The following CACNB4 variants were observed in gnomAD, a reference collection of about 807,000 sequenced individuals.
The protein encoded by CACNB4 is voltage-dependent L-type calcium channel subunit beta-4.
In CACNB4, 32 loss-of-function variants were observed where a neutral mutation model predicts 71.2. The observed-to-expected ratio is 0.45, with a 90% CI of 0.34 to 0.60. The LOEUF (loss-of-function observed/expected upper bound fraction) is 0.60, where lower values mean the gene tolerates loss of function less well. CACNB4 is among the 20% of genes least tolerant of loss of function. CACNB4 has a pLI of 0.01. For missense variants in CACNB4, 464 were observed against 647.9 expected, an observed-to-expected ratio of 0.72 and a Z score of 3.08; for synonymous variants, 231 against 236.9, an observed-to-expected ratio of 0.97 and a Z score of 0.23.
intron 2 of CACNB4, among the ~76,000 whole-genome samples, chr2:152,007,528 G>C (rs1181957795): frequency 6.6e-6 from 1 of 152,220 alleles, no homozygotes; most frequent in Admixed American, 6.5e-5. Context: ...GTTCACCTAT[G>C]TTGCAGCACG....
intron 2 of CACNB4, among the ~76,000 whole-genome samples, chr2:152,017,576 C>T (rs910235065): frequency 2.6e-5 from 4 of 151,806 alleles, no homozygotes; most frequent in Admixed American, 6.6e-5. Flanking sequence ...GGCATGGTGG[C>T]GGGTGCCTGT....
chr2:152,011,885 T>C (rs1257272110), intron 2 of CACNB4, among the ~76,000 whole-genome samples: 1 of 152,222 alleles, frequency 6.6e-6, no homozygotes, highest in Non-Finnish European at 1.5e-5. Context: ...AGTGACTCTG[T>C]AGCTGTCCTA....
intron 2 of CACNB4, among the ~76,000 whole-genome samples, chr2:152,063,033 C>T (rs1166707525): frequency 6.6e-6 from 1 of 152,158 alleles, no homozygotes. Context: ...AGAGACAATT[C>T]CCTCAGCTGC....
At chr2:151,864,181 A>G (rs978147669) in intron 9 of CACNB4, among the ~76,000 whole-genome samples, 1 of 152,200 alleles carries the variant, frequency 6.6e-6, no homozygotes, top group African/African-American at 2.4e-5. Context: ...ATCTCTAAAA[A>G]GTTCCCTTGG....
intron 2 of CACNB4, among the ~76,000 whole-genome samples, chr2:151,983,737 T>A (rs962297252): frequency 3.3e-5 from 5 of 151,300 alleles, no homozygotes; most frequent in African/African-American, 1.2e-4. Context: ...TATTTAGTAA[T>A]GCATTTTTCT....
chr2:151,903,379 T>C (rs929677089), intron 2 of CACNB4, among the ~76,000 whole-genome samples: 1 of 151,552 alleles, frequency 6.6e-6, no homozygotes, highest in Non-Finnish European at 1.5e-5. Context: ...ATTAGCCGGA[T>C]GTGGTGGTGC....
intron 2 of CACNB4, among the ~76,000 whole-genome samples, chr2:151,938,404 C>T (rs927885752): frequency 6.6e-6 from 1 of 152,160 alleles, no homozygotes; most frequent in African/African-American, 2.4e-5. Context: ...TTATATGACA[C>T]CCTCCCCAAT....
chr2:151,912,853 T>C (rs2099856552), intron 2 of CACNB4, among the ~76,000 whole-genome samples: 1 of 151,930 alleles, frequency 6.6e-6, no homozygotes, highest in Non-Finnish European at 1.5e-5. Flanking sequence ...TGGGTGCTCC[T>C]GTACTGGGTG....
At position 152,002,633 on chromosome 2, in the gene CACNB4, T is replaced by C. The variant is rs76367882; in HGVS notation, c.147+95697A>G. Reference sequence around the variant, plus strand: ...CTCTCTGAGACTTGGTTCTATCATCTATCAAATATATTTAACAATGTGTAC... The same window carrying C: ...CTCTCTGAGACTTGGTTCTATCATCCATCAAATATATTTAACAATGTGTAC... On this transcript the variant is annotated intron_variant, in intron 2 of 13. Coordinates refer to ENST00000539935, the MANE Select transcript of CACNB4 (RefSeq NM_000726.5). Among the ~76,000 whole-genome samples, 17 of 152,372 alleles carry C rather than the reference T, an allele frequency of 1.1e-4. No individual in the cohort carries two copies. In the East Asian group the frequency reaches 3.3e-3, roughly 29 times the overall value.
intron 2 of CACNB4, among the ~76,000 whole-genome samples, chr2:152,072,807 AT>A (rs780232798): frequency 3.7e-3 from 510 of 138,366 alleles, no homozygotes; most frequent in Non-Finnish European, 3.4e-3. Context: ...GGCCCAGCTG[AT>A]TTTTTTTTTT....
intron 2 of CACNB4, among the ~76,000 whole-genome samples, chr2:151,934,439 C>T (rs1239957728): frequency 6.6e-6 from 1 of 152,212 alleles, no homozygotes; most frequent in Admixed American, 6.5e-5. Flanking sequence ...AGGTGCTTAA[C>T]AGCATTGTCT....
At chr2:151,970,795 T>A (rs565220953) in intron 2 of CACNB4, 2 of 152,262 alleles carry the variant, frequency 1.3e-5, no homozygotes, top group South Asian at 4.1e-4. Flanking sequence ...TAAGGTGACG[T>A]TCTGTGTGAA....
intron 2 of CACNB4, among the ~76,000 whole-genome samples, chr2:151,911,752 T>C (rs2151537783): frequency 6.6e-6 from 1 of 152,356 alleles, no homozygotes; most frequent in African/African-American, 2.4e-5. Context: ...GAAGAAATGG[T>C]ACCAGCTCCT....
At chr2:152,012,399 T>G (rs1579125507) in intron 2 of CACNB4, among the ~76,000 whole-genome samples, 1 of 151,840 alleles carries the variant, frequency 6.6e-6, no homozygotes, top group Non-Finnish European at 1.5e-5. Context: ...AAGTCAGGAG[T>G]TCCAGACCAG....
chr2:151,896,409 G>A (rs1178327098), intron 2 of CACNB4, among the ~76,000 whole-genome samples: 1 of 152,212 alleles, frequency 6.6e-6, no homozygotes, highest in Non-Finnish European at 1.5e-5. Flanking sequence ...AACACCCAGG[G>A]CTCTAGGTAA....
intron 13 of CACNB4, among the ~76,000 whole-genome samples, chr2:151,840,869 T>G (rs1283997821): frequency 6.6e-6 from 1 of 152,160 alleles, no homozygotes; most frequent in Non-Finnish European, 1.5e-5. Context: ...TTGCTGCGGG[T>G]TTGGCCACAT....
chr2:152,042,910 C>T (rs562146499), intron 2 of CACNB4, among the ~76,000 whole-genome samples: 4 of 152,254 alleles, frequency 2.6e-5, no homozygotes, highest in South Asian at 4.2e-4. Context: ...CTAAAACCCA[C>T]CAAAACCAAG....
At chr2:151,870,684 T>C in intron 7 of CACNB4, 73 bp from the exon 8 acceptor site, 1 of 1,346,774 alleles carries the variant, frequency 7.4e-7, no homozygotes, top group East Asian at 2.4e-5. Context: ...ACATTCATAA[T>C]TTCATAATTC....
chr2:151,949,617 C>T (rs12693174), intron 2 of CACNB4, among the ~76,000 whole-genome samples: 34,203 of 152,030 alleles, frequency 0.22, 3,967 homozygotes, highest in Middle Eastern at 0.41. Flanking sequence ...GAAGCCGAGG[C>T]TGAGGTCCTA....
Sources: allele counts gnomAD v4.1 joint callset (sites outside exome capture counted in the v4.1 genomes callset), GRCh38; gene constraint gnomAD v4.1.1; transcripts MANE v1.5; gene names NCBI Gene and HGNC (gene_info 2026-07-23, HGNC 2026-07-21).